The following ADAMTS3 variants were observed in gnomAD, a reference collection of about 807,000 sequenced individuals.
ADAMTS3 encodes A disintegrin and metalloproteinase with thrombospondin motifs 3.
In ADAMTS3, 73 loss-of-function variants were observed where a neutral mutation model predicts 129.0. The observed-to-expected ratio is 0.57, with a 90% CI of 0.47 to 0.69. ADAMTS3 has a LOEUF of 0.69. Ranked by LOEUF, ADAMTS3 falls within the 30% of genes least tolerant of loss-of-function variation. The pLI is 0.00. For synonymous variants in ADAMTS3, 477 were observed against 510.8 expected, an observed-to-expected ratio of 0.93 and a Z score of 0.89; for missense variants, 1,457 against 1,514.5, an observed-to-expected ratio of 0.96 and a Z score of 0.63.
chr4:72,329,812 T>G (rs1358419292), intron 5 of ADAMTS3, among the ~76,000 whole-genome samples: 1 of 152,172 alleles, frequency 6.6e-6, no homozygotes, highest in African/African-American at 2.4e-5. Flanking sequence ...CATTATATTC[T>G]TCAATGTCAC....
chr4:72,411,948 T>C (rs1305391500), intron 4 of ADAMTS3, among the ~76,000 whole-genome samples: 3 of 152,082 alleles, frequency 2.0e-5, no homozygotes, highest in Admixed American at 1.3e-4. Flanking sequence ...CAGGTCCTAA[T>C]AGATTTTAAT....
At chr4:72,411,944 C>T (rs545033319) in intron 4 of ADAMTS3, among the ~76,000 whole-genome samples, 2 of 152,132 alleles carry the variant, frequency 1.3e-5, no homozygotes, top group South Asian at 4.1e-4. Flanking sequence ...AGTTCAGGTC[C>T]TAATAGATTT....
rs192420265 is a variant in ADAMTS3 at position 72,415,202 on chromosome 4, C to T, written c.505-231G>A. ...ATTCATATTAAGGTATTACGGAATA[C>T]AAAATTTACATAGGATAAGAATAGG... On this transcript the variant is annotated intron_variant, in intron 3 of 21. Coordinates refer to ENST00000286657, the MANE Select transcript of ADAMTS3 (RefSeq NM_014243.3). Among the ~76,000 whole-genome samples, 405 of 151,662 alleles carry T rather than the reference C, an allele frequency of 2.7e-3. 1 individual carries two copies. The highest frequency in any genetic ancestry group is 9.3e-3 in the African/African-American group (385 of 41,402).
At chr4:72,519,974 T>A (rs1422709086) in intron 3 of ADAMTS3, among the ~76,000 whole-genome samples, 6 of 152,004 alleles carry the variant, frequency 3.9e-5, no homozygotes, top group African/African-American at 1.2e-4. Flanking sequence ...TGGTTTTATC[T>A]ACTTTTGGTC....
At chr4:72,527,848 A>G (rs898654612) in intron 3 of ADAMTS3, among the ~76,000 whole-genome samples, 1 of 152,164 alleles carries the variant, frequency 6.6e-6, no homozygotes, top group Non-Finnish European at 1.5e-5. Context: ...AATTCATCCA[A>G]CTAAGAATCC....
intron 3 of ADAMTS3, among the ~76,000 whole-genome samples, chr4:72,475,933 A>C (rs1205592932): frequency 6.6e-6 from 1 of 152,134 alleles, no homozygotes; most frequent in Non-Finnish European, 1.5e-5. Context: ...CAAATGAATA[A>C]AAATACAACA....
At chr4:72,381,619 T>C (rs958567558) in intron 4 of ADAMTS3, among the ~76,000 whole-genome samples, 4 of 152,184 alleles carry the variant, frequency 2.6e-5, no homozygotes, top group Non-Finnish European at 5.9e-5. Flanking sequence ...GAAGATTCTA[T>C]AGCCTGTCTT....
intron 4 of ADAMTS3, among the ~76,000 whole-genome samples, chr4:72,368,499 A>G (rs1056198388): frequency 3.9e-5 from 6 of 152,246 alleles, no homozygotes; most frequent in Non-Finnish European, 7.3e-5. Context: ...TCTCAATTAC[A>G]TGCCTTTCCA....
In ADAMTS3 at chr4:72,568,702, C is replaced by T. The variant is rs767288948; in HGVS notation, c.61G>A (p.Asp21Asn). Reference protein sequence around the residue: ...AALVEVRTSADGQAGNEEMVQ... With the variant: ...AALVEVRTSANGQAGNEEMVQ... The stretch of plus-strand genomic sequence containing the variant: ...TATTATTTTCCACTTACTTGTCCAT[C>T]AGCTGAAGTCCTAACCTCTACCAGA... The change falls in exon 1 of 22, where the codon GAT becomes AAT. Residue 21 changes from aspartate to asparagine, a missense_variant. Asp to Asn is a conservative substitution (Grantham distance 23, BLOSUM62 1). Coordinates refer to ENST00000286657, the MANE Select transcript of ADAMTS3 (RefSeq NM_014243.3). 1 of 1,613,522 alleles carries T rather than the reference C, an allele frequency of 6.2e-7. No homozygotes were observed. The highest frequency in any genetic ancestry group is 1.1e-5 in the South Asian group (1 of 91,044).
At chr4:72,298,121 T>G in intron 18 of ADAMTS3, 156 bp downstream of exon 18, 1 of 570,660 alleles carries the variant, frequency 1.8e-6, no homozygotes, top group Non-Finnish European at 3.0e-6. Context: ...TTGGTGATTC[T>G]GAGATTTCAG....
chr4:72,480,563 G>T (rs1013935236), intron 3 of ADAMTS3, among the ~76,000 whole-genome samples: 1 of 151,762 alleles, frequency 6.6e-6, no homozygotes, highest in South Asian at 2.1e-4. Context: ...GGGGACGGGG[G>T]AGGGATAGCA....
At chr4:72,292,279 G>A (rs1578556059) in intron 19 of ADAMTS3, among the ~76,000 whole-genome samples, 1 of 152,152 alleles carries the variant, frequency 6.6e-6, no homozygotes, top group African/African-American at 2.4e-5. Context: ...TGGGTTGGAC[G>A]AGGGCACATT....
At chr4:72,439,149 CT>C (rs1718045116) in intron 3 of ADAMTS3, among the ~76,000 whole-genome samples, 2 of 151,666 alleles carry the variant, frequency 1.3e-5, no homozygotes. Flanking sequence ...GAGGATTGAA[CT>C]AATGTAACTT....
At chr4:72,286,010 A>G (rs1320015965) in intron 21 of ADAMTS3, among the ~76,000 whole-genome samples, 2 of 152,222 alleles carry the variant, frequency 1.3e-5, no homozygotes, top group African/African-American at 4.8e-5. Flanking sequence ...GAAACATGTG[A>G]CCGTTAGAAC....
intron 5 of ADAMTS3, among the ~76,000 whole-genome samples, chr4:72,328,549 T>A (rs1719755752): frequency 6.6e-6 from 1 of 152,166 alleles, no homozygotes; most frequent in Admixed American, 6.5e-5. Flanking sequence ...ATCTTAGTTG[T>A]GTGATGCTGG....
intron 4 of ADAMTS3, among the ~76,000 whole-genome samples, chr4:72,352,897 G>A (rs188392879): frequency 1.8e-4 from 27 of 152,054 alleles, no homozygotes; most frequent in African/African-American, 6.3e-4. Flanking sequence ...TGGGAAATGC[G>A]GTTACTAAGA....
At chr4:72,373,718 G>A (rs1337613919) in intron 4 of ADAMTS3, among the ~76,000 whole-genome samples, 2 of 151,892 alleles carry the variant, frequency 1.3e-5, no homozygotes, top group African/African-American at 2.4e-5. Flanking sequence ...GGGTAACATG[G>A]TGAAACCCCG....
At chr4:72,366,759 T>C (rs1251720189) in intron 4 of ADAMTS3, among the ~76,000 whole-genome samples, 3 of 151,904 alleles carry the variant, frequency 2.0e-5, no homozygotes, top group Non-Finnish European at 4.4e-5. Flanking sequence ...TTAAAGGGTA[T>C]TTTAGTGTCC....
In ADAMTS3 at chr4:72,404,825, AACACACACAC is replaced by A. The variant is rs146366382; in HGVS notation, c.661+9980_661+9989del. On this transcript the variant is annotated intron_variant, in intron 4 of 21. Coordinates refer to ENST00000286657, the MANE Select transcript of ADAMTS3 (RefSeq NM_014243.3). ...AGTAGCAAAACAAACAAGCAAACAA[AACACACACAC>A]ACACACACACACACACACACACACA... Among the ~76,000 whole-genome samples the A allele has an allele frequency of 3.5e-3, 517 of 148,898 alleles. 2 individuals are homozygous for A. The highest frequency in any genetic ancestry group is 3.2e-3 in the African/African-American group (131 of 40,600).
Sources: allele counts gnomAD v4.1 joint callset (sites outside exome capture counted in the v4.1 genomes callset), GRCh38; gene constraint gnomAD v4.1.1; transcripts MANE v1.5; gene names NCBI Gene and HGNC (gene_info 2026-07-23, HGNC 2026-07-21).